KLC1: variants seen among roughly 807,000 people sequenced by gnomAD.
The protein encoded by KLC1 is kinesin light chain 1.
Under a neutral mutation model 84.2 loss-of-function variants are expected in KLC1, and 30 were observed. The ratio of observed to expected loss-of-function variants is 0.36; its 90% CI spans 0.27 to 0.48. The LOEUF (loss-of-function observed/expected upper bound fraction) is 0.48. Among genes scored for constraint, KLC1 ranks in the 20% least tolerant of loss-of-function variants. KLC1 has a pLI of 0.99. For missense variants in KLC1, 499 were observed against 805.4 expected (o/e 0.62, Z 4.60); for synonymous variants, 289 against 293.3 (o/e 0.99, Z 0.15).
At chr14:103,649,535 C>T (rs1244448621) in intron 1 of KLC1, among the ~76,000 whole-genome samples, 1 of 142,820 alleles carries the variant, frequency 7.0e-6, no homozygotes. Context: ...TTTAGACCAG[C>T]CTGGGCAACA....
rs960177902 is a variant in KLC1, at chr14:103,685,866, A to G, written c.1651-1215A>G. 12 of 1,158,454 alleles carry G rather than the reference A, an allele frequency of 1.0e-5. No individual in the cohort carries two copies. In the African/African-American group the frequency reaches 1.9e-4, roughly 19 times the overall value. The allele number at this position is 1,158,454 out of a possible 1,614,324, so 71.8% of individuals were successfully genotyped here. ...GCCAGATATGTACTTAGTAATATAAACTGTATTAATAAAATCCATTTACTG... is the reference window on the plus strand; with the variant it reads ...GCCAGATATGTACTTAGTAATATAAGCTGTATTAATAAAATCCATTTACTG... On this transcript the variant is annotated intron_variant, in intron 13 of 16. Transcript: ENST00000334553.
intron 12 of KLC1, among the ~76,000 whole-genome samples, chr14:103,678,528 T>A (rs1463791647): frequency 6.7e-6 from 1 of 150,178 alleles, no homozygotes; most frequent in Non-Finnish European, 1.5e-5. Context: ...CTACAAAAGT[T>A]TTTTTTTTTA....
intron 9 of KLC1, among the ~76,000 whole-genome samples, 165 bp downstream of exon 9, chr14:103,673,596 T>G (rs1287999289): frequency 6.6e-6 from 1 of 152,208 alleles, no homozygotes; most frequent in Admixed American, 6.5e-5. Flanking sequence ...AGCAGTCTTG[T>G]GCAGCGGGTC....
chr14:103,647,854 G>A (rs1181766839), intron 1 of KLC1, among the ~76,000 whole-genome samples: 281 of 144,980 alleles, frequency 1.9e-3, no homozygotes, highest in Non-Finnish European at 3.1e-3. Flanking sequence ...CCAGCCTGGC[G>A]ACAGAGCAAG....
intron 2 of KLC1, 78 bp downstream of exon 2, chr14:103,654,903 A>G (rs1387873642): frequency 2.7e-6 from 4 of 1,459,806 alleles, no homozygotes; most frequent in African/African-American, 2.8e-5. Context: ...AAGCAGTTTC[A>G]CTAAAGAAGA....
chr14:103,654,032 G>GC (rs1446167483), intron 1 of KLC1, among the ~76,000 whole-genome samples: 1 of 152,194 alleles, frequency 6.6e-6, no homozygotes, highest in Non-Finnish European at 1.5e-5. Context: ...CTGTGAGCCT[G>GC]CCCGGTGACC....
chr14:103,696,664 G>C, intron 15 of KLC1: 3 of 985,526 alleles, frequency 3.0e-6, no homozygotes, highest in Non-Finnish European at 3.6e-6. Context: ...AGCGGGGCCA[G>C]CTGTCTCAGG....
chr14:103,650,436 C>T (rs1444718470), intron 1 of KLC1, among the ~76,000 whole-genome samples: 3 of 152,156 alleles, frequency 2.0e-5, no homozygotes, highest in Non-Finnish European at 4.4e-5. Context: ...TCCAGGCATA[C>T]ACGGCATGAG....
chr14:103,649,840 C>T (rs1236895558), intron 1 of KLC1, among the ~76,000 whole-genome samples: 3 of 151,980 alleles, frequency 2.0e-5, no homozygotes, highest in East Asian at 1.9e-4. Context: ...GGACTACAGG[C>T]GCCCACCATC....
chr14:103,639,438 G>A (rs990124980), intron 1 of KLC1, among the ~76,000 whole-genome samples: 4 of 151,906 alleles, frequency 2.6e-5, no homozygotes, highest in African/African-American at 9.7e-5. Flanking sequence ...GCTCTTTCTT[G>A]TCTTTTACTT....
intron 5 of KLC1, among the ~76,000 whole-genome samples, chr14:103,663,194 C>T (rs982505130): frequency 1.2e-4 from 19 of 152,036 alleles, no homozygotes; most frequent in African/African-American, 4.6e-4. Context: ...ATTCTCCTGC[C>T]TCAGCCTCCC....
intron 7 of KLC1, among the ~76,000 whole-genome samples, chr14:103,671,972 A>G (rs1262191262): frequency 6.6e-6 from 1 of 152,222 alleles, no homozygotes; most frequent in Non-Finnish European, 1.5e-5. Flanking sequence ...TCATTCATTT[A>G]GAGCCCCCTG....
intron 1 of KLC1, among the ~76,000 whole-genome samples, chr14:103,642,636 G>T (rs2077576346): frequency 6.6e-6 from 1 of 152,116 alleles, no homozygotes; most frequent in Admixed American, 6.6e-5. Flanking sequence ...GTGTTTGAAT[G>T]TAAGGATATG....
At chr14:103,669,720 G>T in intron 6 of KLC1, 122 bp downstream of exon 6, 1 of 692,698 alleles carries the variant, frequency 1.4e-6, no homozygotes, top group Non-Finnish European at 2.5e-6. Flanking sequence ...TTCCCTAGAT[G>T]GTGCAGGTAG....
In KLC1 at chr14:103,685,214, GT is replaced by G. The variant is rs2081687907; in HGVS notation, c.1651-1864del. ...CTTTTAAAGTCCGTGGTTTCCTAAA[GT>G]TTCTGAAATGTCTAAAATGTGTTTT... On this transcript the variant is annotated intron_variant, in intron 13 of 16. Coordinates refer to ENST00000334553, the MANE Select transcript of KLC1 (RefSeq NM_001394837.1). The G allele has an allele frequency of 4.9e-6, 7 of 1,420,070 alleles. No homozygotes were observed. The South Asian group carries it at 1.1e-4, about 23-fold the overall frequency. 88.0% of individuals were successfully genotyped at this position (1,420,070 alleles called of 1,614,324 possible). A position where few individuals can be genotyped will look rare whatever the true frequency, so the allele number is the denominator to read the frequency against.
rs766570960 is a variant in KLC1, at chr14:103,694,700, G to T, written c.1848+2275G>T. On this transcript the variant is annotated intron_variant, in intron 15 of 16. Coordinates refer to ENST00000334553, the MANE Select transcript of KLC1 (RefSeq NM_001394837.1). This position sits in a 1 kb window ranked among gnomAD's most constrained non-coding sequence, Gnocchi z 4.5. ...CGGTCTGTGAAACACCAGCCATCCCGTGAAAGCTCAGCTTGCCACTGTCAT... is the reference window on the plus strand; with the variant it reads ...CGGTCTGTGAAACACCAGCCATCCCTTGAAAGCTCAGCTTGCCACTGTCAT... 3.0e-4 allele frequency: 291 copies of T among 985,346 alleles called. No individual in the cohort carries two copies. Among genetic ancestry groups the T allele is most frequent in the Non-Finnish European group, 3.5e-4 (288 of 829,936 alleles). The allele number at this position is 985,346 out of a possible 1,614,324, so 61.0% of individuals were successfully genotyped here. A position where few individuals can be genotyped will look rare whatever the true frequency, so the allele number is the denominator to read the frequency against.
chr14:103,670,419 C>T (rs896479910), intron 7 of KLC1, 136 bp downstream of exon 7: 2 of 549,110 alleles, frequency 3.6e-6, no homozygotes, highest in Admixed American at 6.2e-5. Context: ...TCACTGCAAC[C>T]CCCACCTCCA....
At chr14:103,658,186 C>T (rs2078965387) in intron 3 of KLC1, among the ~76,000 whole-genome samples, 1 of 152,232 alleles carries the variant, frequency 6.6e-6, no homozygotes, top group African/African-American at 2.4e-5. Flanking sequence ...CTCTTGCCGC[C>T]TCTCTCATCC....
chr14:103,662,682 A>G lies in KLC1; in HGVS notation c.572-20A>G, dbSNP rs1436778938. ...TAATTGTCTTTAAAAACCCATCTGA[A>G]GTGAACTTTCTCGGTGCAGTCCAGC... is the stretch of plus-strand genomic sequence containing the variant. On this transcript the variant is annotated intron_variant, in intron 4 of 16. Transcript: ENST00000334553. 2 of 1,529,556 alleles carry G rather than the reference A, an allele frequency of 1.3e-6. No homozygotes were observed. Among genetic ancestry groups the G allele is most frequent in the Admixed American group, 2.2e-5 (1 of 45,680 alleles). 94.7% of individuals were successfully genotyped at this position (1,529,556 alleles called of 1,614,324 possible). A position where few individuals can be genotyped will look rare whatever the true frequency, so the allele number is the denominator to read the frequency against.
Sources: allele counts gnomAD v4.1 joint callset (sites outside exome capture counted in the v4.1 genomes callset), GRCh38; gene constraint gnomAD v4.1.1; non-coding constraint Gnocchi (gnomAD v3.1); transcripts MANE v1.5; gene names NCBI Gene and HGNC (gene_info 2026-07-23, HGNC 2026-07-21).